RPL37A: variants seen among roughly 807,000 people sequenced by gnomAD.
RPL37A encodes the protein ribosomal protein L37a.
A neutral mutation model predicts 13.6 loss-of-function variants in RPL37A; 5 were observed. The observed-to-expected ratio is 0.37, with a 90% CI of 0.19 to 0.78. The LOEUF is 0.78. Ranked by LOEUF, RPL37A falls within the 30% of genes least tolerant of loss-of-function variation. RPL37A has a pLI of 0.49. For missense variants in RPL37A, 77 were observed against 120.0 expected, an observed-to-expected ratio of 0.64 and a Z score of 1.67; for synonymous variants, 50 against 44.4, an observed-to-expected ratio of 1.13 and a Z score of -0.50.
chr2:216,501,263 A>G (rs1349832007), intron 3 of RPL37A, 78 bp from the exon 4 acceptor site: 21 of 1,256,120 alleles, frequency 1.7e-5, no homozygotes, highest in South Asian at 1.2e-4. Context: ...TTAACACAAA[A>G]ACGAGGCAGA....
chr2:216,502,148 A>G lies in RPL37A; in HGVS notation c.*744A>G, dbSNP rs1435848226. The G allele has an allele frequency of 6.6e-6, 1 of 152,166 alleles. No homozygotes were observed. The allele number at this position is 152,166 out of a possible 1,614,324, so 9.4% of individuals were successfully genotyped here. A position where few individuals can be genotyped will look rare whatever the true frequency, so the allele number is the denominator to read the frequency against. On this transcript the variant is annotated 3_prime_UTR_variant, in exon 4 of 4. Coordinates refer to ENST00000491306, the MANE Select transcript of RPL37A (RefSeq NM_000998.5). ...TTGAGACCAGTGTGGCCAACATAGC[A>G]AAAACCCGTCTCGACGAAAAATACA...
chr2:216,500,987 G>A (rs576353407), intron 3 of RPL37A: 12 of 184,030 alleles, frequency 6.5e-5, no homozygotes, highest in Non-Finnish European at 1.3e-4. Context: ...TGGGGTAGGG[G>A]GAGTTAAAGC....
chr2:216,502,728 G>A lies in RPL37A; in HGVS notation c.*1324G>A, dbSNP rs1322141424. 4.6e-5 allele frequency: 7 copies of A among 152,106 alleles called. No homozygotes were observed. The highest frequency in any genetic ancestry group is 3.3e-4 in the Admixed American group (5 of 15,278). 9.4% of individuals were successfully genotyped at this position (152,106 alleles called of 1,614,324 possible). A position where few individuals can be genotyped will look rare whatever the true frequency, so the allele number is the denominator to read the frequency against. On this transcript the variant is annotated 3_prime_UTR_variant, in exon 4 of 4. Transcript: ENST00000491306. ...TCCTTTAAGGATGCAAATTTAATTC[G>A]ATAAGAATGTGGATTTACTTCATCT...
rs75050242 is a variant in RPL37A, at chr2:216,503,556, A to G, written c.*2152A>G. 5,845 of 152,208 alleles carry G rather than the reference A, an allele frequency of 0.038. 227 individuals are homozygous for G. Among genetic ancestry groups the G allele is most frequent in the East Asian group, 0.17 (893 of 5,168 alleles). The allele number at this position is 152,208 out of a possible 1,614,324, so 9.4% of individuals were successfully genotyped here. A position where few individuals can be genotyped will look rare whatever the true frequency, so the allele number is the denominator to read the frequency against. On this transcript the variant is annotated 3_prime_UTR_variant, in exon 4 of 4. Coordinates refer to ENST00000491306, the MANE Select transcript of RPL37A (RefSeq NM_000998.5). ...ATTACAGGCTTATGCCACAAAGCTC[A>G]GCTAGTTTTTGTATTTTTTATTTTT...
rs1013562227 is a variant in RPL37A at position 216,499,072 on chromosome 2, G to C, written c.3+195G>C. ...CCTTGGCTGGGCCTGGCGCGCTCCA[G>C]CCGGGTTAACGCCGGGCCTTCGGAG... is the stretch of plus-strand genomic sequence containing the variant. On this transcript the variant is annotated intron_variant, in intron 1 of 3. Transcript: ENST00000491306. 2.6e-6 allele frequency: 3 copies of C among 1,148,606 alleles called. No homozygotes were observed. The African/African-American group carries it at 4.7e-5, about 18-fold the overall frequency. The allele number at this position is 1,148,606 out of a possible 1,614,324, so 71.2% of individuals were successfully genotyped here.
At position 216,502,160 on chromosome 2, in the gene RPL37A, C is replaced by G. The variant is rs1056285092; in HGVS notation, c.*756C>G. 1 of 152,082 alleles carries G rather than the reference C, an allele frequency of 6.6e-6. No homozygotes were observed. Among genetic ancestry groups the G allele is most frequent in the Non-Finnish European group, 1.5e-5 (1 of 67,998 alleles). 9.4% of individuals were successfully genotyped at this position (152,082 alleles called of 1,614,324 possible). A position where few individuals can be genotyped will look rare whatever the true frequency, so the allele number is the denominator to read the frequency against. ...TGGCCAACATAGCAAAAACCCGTCTCGACGAAAAATACAAAAAATAGCTTG... is the reference window on the plus strand; with the variant it reads ...TGGCCAACATAGCAAAAACCCGTCTGGACGAAAAATACAAAAAATAGCTTG... On this transcript the variant is annotated 3_prime_UTR_variant, in exon 4 of 4. Coordinates refer to ENST00000491306, the MANE Select transcript of RPL37A (RefSeq NM_000998.5).
chr2:216,499,517 C>T, intron 2 of RPL37A, 119 bp downstream of exon 2: 1 of 1,171,822 alleles, frequency 8.5e-7, no homozygotes. Flanking sequence ...ATTACTCATA[C>T]CGTTGATTAT....
rs1182490089 is a variant in RPL37A, at chr2:216,503,355, A to G, written c.*1951A>G. 10 of 152,178 alleles carry G rather than the reference A, an allele frequency of 6.6e-5. No homozygotes were observed. The East Asian group carries it at 1.9e-3, about 29-fold the overall frequency. 9.4% of individuals were successfully genotyped at this position (152,178 alleles called of 1,614,324 possible). On this transcript the variant is annotated 3_prime_UTR_variant, in exon 4 of 4. Transcript: ENST00000491306. ...GAGTCTTACAAAGCTGCTATGTTAC[A>G]TGATTAGGCATGGAAAACTTCGGTT...
At chr2:216,499,059 C>G in intron 1 of RPL37A, 182 bp downstream of exon 1, 1 of 1,159,516 alleles carries the variant, frequency 8.6e-7, no homozygotes, top group Non-Finnish European at 1.2e-6. Flanking sequence ...TTGGCTGGGC[C>G]TGGCGCGCTC....
In RPL37A at chr2:216,501,353, T is replaced by C. The variant is rs535456792; in HGVS notation, c.228T>C (p.Ala76=). The change falls in exon 4 of 4, where the codon GCT becomes GCC. Residue 76 remains alanine, a synonymous_variant. Coordinates refer to ENST00000491306, the MANE Select transcript of RPL37A (RefSeq NM_000998.5). ...GGAWTYNTTS[A]VTVKSAIRRL... ...TCTTTCTTTCCAGTACCACTTCCGCTGTCACGGTAAAGTCCGCCATCAGAA... is the reference window on the plus strand; with the variant it reads ...TCTTTCTTTCCAGTACCACTTCCGCCGTCACGGTAAAGTCCGCCATCAGAA... The C allele has an allele frequency of 6.2e-6, 10 of 1,612,926 alleles. No individual in the cohort carries two copies. In the East Asian group the frequency reaches 2.2e-4, roughly 36 times the overall value.
intron 2 of RPL37A, chr2:216,499,623 AT>A (rs1695562395): frequency 1.7e-5 from 11 of 647,446 alleles, no homozygotes; most frequent in Non-Finnish European, 2.9e-5. Context: ...TAAAATAATC[AT>A]TTGACAGAGT....
chr2:216,502,382 T>C lies in RPL37A; in HGVS notation c.*978T>C, dbSNP rs534438040. The stretch of plus-strand genomic sequence containing the variant: ...AAGGATATACATATACTGCCTCTTC[T>C]ATGATGTTTCATTTGACCTACACCA... On this transcript the variant is annotated 3_prime_UTR_variant, in exon 4 of 4. Transcript: ENST00000491306. 6.6e-6 allele frequency: 1 copy of C among 152,358 alleles called. No homozygotes were observed. The highest frequency in any genetic ancestry group is 1.5e-5 in the Non-Finnish European group (1 of 68,036). 9.4% of individuals were successfully genotyped at this position (152,358 alleles called of 1,614,324 possible).
At chr2:216,499,764 GT>G (rs1695566375) in intron 2 of RPL37A, 184 bp from the exon 3 acceptor site, 1 of 713,706 alleles carries the variant, frequency 1.4e-6, no homozygotes, top group African/African-American at 1.7e-5. Flanking sequence ...AGGGATTTTT[GT>G]TTGATAAAGG....
At position 216,503,295 on chromosome 2, in the gene RPL37A, T is replaced by C. The variant is rs947602593; in HGVS notation, c.*1891T>C. Reference sequence around the variant, plus strand: ...TCCTGTATAATTCTTGGTAGTAGAATGGAGTATATGCTGGGTGTTTGGATT... The same window carrying C: ...TCCTGTATAATTCTTGGTAGTAGAACGGAGTATATGCTGGGTGTTTGGATT... On this transcript the variant is annotated 3_prime_UTR_variant, in exon 4 of 4. Transcript: ENST00000491306. The C allele has an allele frequency of 6.6e-6, 1 of 152,226 alleles. No homozygotes were observed. Among genetic ancestry groups the C allele is most frequent in the African/African-American group, 2.4e-5 (1 of 41,460 alleles). 9.4% of individuals were successfully genotyped at this position (152,226 alleles called of 1,614,324 possible). A position where few individuals can be genotyped will look rare whatever the true frequency, so the allele number is the denominator to read the frequency against.
intron 2 of RPL37A, 110 bp downstream of exon 2, chr2:216,499,508 T>G: frequency 7.9e-7 from 1 of 1,264,952 alleles, no homozygotes; most frequent in Non-Finnish European, 1.1e-6. Flanking sequence ...GCAGTTGGAA[T>G]TACTCATACC....
At position 216,499,940 on chromosome 2, in the gene RPL37A, C is replaced by T. The variant is rs200970380; in HGVS notation, c.133-9C>T. 35 of 1,612,684 alleles carry T rather than the reference C, an allele frequency of 2.2e-5. No homozygotes were observed. The highest frequency in any genetic ancestry group is 2.2e-4 in the Admixed American group (13 of 60,000). On this transcript the variant is annotated splice_polypyrimidine_tract_variant and intron_variant, in intron 2 of 3. Coordinates refer to ENST00000491306, the MANE Select transcript of RPL37A (RefSeq NM_000998.5). Reference sequence around the variant, plus strand: ...TTGGTTCATAGTGAAAATTGGTTCTCTTTTATAGACCAAGATGAAGAGACG... The same window carrying T: ...TTGGTTCATAGTGAAAATTGGTTCTTTTTTATAGACCAAGATGAAGAGACG...
At chr2:216,499,108 G>A (rs188818789) in intron 1 of RPL37A, 162 bp from the exon 2 acceptor site, 2 of 1,192,110 alleles carry the variant, frequency 1.7e-6, no homozygotes, top group Non-Finnish European at 2.3e-6. Flanking sequence ...CGCGCGGCCA[G>A]CCCTGGGCAC....
chr2:216,499,409 CAA>C lies in RPL37A; in HGVS notation c.132+13_132+14del. 1 of 1,613,662 alleles carries C rather than the reference CAA, an allele frequency of 6.2e-7. No individual in the cohort carries two copies. On this transcript the variant is annotated intron_variant, in intron 2 of 3. Coordinates refer to ENST00000491306, the MANE Select transcript of RPL37A (RefSeq NM_000998.5). Reference sequence around the variant, plus strand: ...TCTTTCTGTGGCAAAGTAAGTAAGGCAAAGTCTCTGGTGAGAGGAGAGGGAGG... The same window carrying C: ...TCTTTCTGTGGCAAAGTAAGTAAGGCAGTCTCTGGTGAGAGGAGAGGGAGG...
At chr2:216,500,124 T>C in intron 3 of RPL37A, 93 bp downstream of exon 3, 1 of 904,110 alleles carries the variant, frequency 1.1e-6, no homozygotes, top group Non-Finnish European at 1.8e-6. Context: ...TAACACTTTC[T>C]CAGGACTGAG....
Sources: allele counts gnomAD v4.1 joint callset, GRCh38; gene constraint gnomAD v4.1.1; transcripts MANE v1.5; gene names NCBI Gene and HGNC (gene_info 2026-07-23, HGNC 2026-07-21).